The following MDGA2 variants were observed in gnomAD, a reference collection of about 807,000 sequenced individuals.
MDGA2 encodes the protein MAM domain-containing glycosylphosphatidylinositol anchor protein 2.
A neutral mutation model predicts 117.8 loss-of-function variants in MDGA2; 40 were observed. The ratio of observed to expected loss-of-function variants is 0.34; its 90% CI spans 0.26 to 0.44. The LOEUF (loss-of-function observed/expected upper bound fraction) is 0.44. Among genes scored for constraint, MDGA2 ranks in the 20% least tolerant of loss-of-function variants. MDGA2 has a pLI of 1.00. For synonymous variants in MDGA2, 452 were observed against 439.0 expected, an observed-to-expected ratio of 1.03 and a Z score of -0.37; for missense variants, 1,123 against 1,250.6, an observed-to-expected ratio of 0.90 and a Z score of 1.54.
chr14:47,268,856 G>A (rs564112843), intron 2 of MDGA2, among the ~76,000 whole-genome samples: 1 of 152,300 alleles, frequency 6.6e-6, no homozygotes, highest in African/African-American at 2.4e-5. Context: ...GGAAATCAGT[G>A]TTTAAGGATA....
At position 47,597,431 on chromosome 14, in the gene MDGA2, C is replaced by A. The variant is rs537246396; in HGVS notation, c.280+77086G>T. 1.4e-4 allele frequency among the ~76,000 whole-genome samples: 22 copies of A among 151,804 alleles called. No homozygotes were observed. The South Asian group carries it at 4.4e-3, about 30-fold the overall frequency. ...TCTTTCCAGCAAATTCACCAAAATT[C>A]TTTTTCAATAATGAACGTAAGTTAA... On this transcript the variant is annotated intron_variant, in intron 1 of 16. Coordinates refer to ENST00000399232, the MANE Select transcript of MDGA2 (RefSeq NM_001113498.3).
At chr14:47,289,563 C>G (rs974661368) in intron 2 of MDGA2, among the ~76,000 whole-genome samples, 3 of 151,814 alleles carry the variant, frequency 2.0e-5, no homozygotes, top group Admixed American at 2.0e-4. Context: ...AATAAAAATA[C>G]AAAATCCAAT....
chr14:47,289,665 G>A (rs1888813048), intron 2 of MDGA2, among the ~76,000 whole-genome samples: 1 of 152,002 alleles, frequency 6.6e-6, no homozygotes, highest in African/African-American at 2.4e-5. Flanking sequence ...TATGAGCAAT[G>A]CAATCAATAG....
chr14:46,939,418 A>C (rs1884913740), intron 9 of MDGA2, among the ~76,000 whole-genome samples: 1 of 152,220 alleles, frequency 6.6e-6, no homozygotes, highest in African/African-American at 2.4e-5. Flanking sequence ...GTTTTTAACA[A>C]GATTCTCATG....
At chr14:47,566,614 G>A (rs1337115232) in intron 1 of MDGA2, among the ~76,000 whole-genome samples, 2 of 152,128 alleles carry the variant, frequency 1.3e-5, no homozygotes, top group Non-Finnish European at 2.9e-5. Flanking sequence ...TGGGGGTTGG[G>A]GAGACTTCTC....
intron 7 of MDGA2, among the ~76,000 whole-genome samples, chr14:47,053,238 AAT>A (rs2138734788): frequency 6.6e-6 from 1 of 151,970 alleles, no homozygotes; most frequent in African/African-American, 2.4e-5. Context: ...CTTGGACAGT[AAT>A]AGCTTTGCTT....
At chr14:47,092,239 G>A (rs946510297) in intron 6 of MDGA2, among the ~76,000 whole-genome samples, 2 of 152,112 alleles carry the variant, frequency 1.3e-5, no homozygotes, top group African/African-American at 4.8e-5. Flanking sequence ...AGAAGGACTG[G>A]CTGATAAATC....
At chr14:47,423,914 C>T (rs572676090) in intron 1 of MDGA2, among the ~76,000 whole-genome samples, 3 of 152,156 alleles carry the variant, frequency 2.0e-5, no homozygotes, top group South Asian at 2.1e-4. Context: ...CGGGTTCAGG[C>T]GATTCCCCTG....
At chr14:47,615,398 T>G (rs186704184) in intron 1 of MDGA2, among the ~76,000 whole-genome samples, 4 of 152,204 alleles carry the variant, frequency 2.6e-5, no homozygotes, top group Non-Finnish European at 4.4e-5. Flanking sequence ...ATGTTAAGCA[T>G]TGAGGGACTG....
Position 46,911,813 on chromosome 14 carries a change from C to T in MDGA2, c.2238+8199G>A, listed in dbSNP as rs146458865. On this transcript the variant is annotated intron_variant, in intron 10 of 16. Transcript: ENST00000399232. ...AAACATAAAATAAATGTGAGCTATA[C>T]GTACATTTAAGAAATATTAATACAA... Among the ~76,000 whole-genome samples the T allele has an allele frequency of 5.3e-4, 80 of 152,244 alleles. 2 individuals carry two copies. The South Asian group carries it at 8.9e-3, about 17-fold the overall frequency.
At chr14:47,200,534 C>CT (rs10639284) in intron 3 of MDGA2, 57,527 of 413,032 alleles carry the variant, frequency 0.14, 545 homozygotes, top group East Asian at 0.16. Context: ...TTTTTCTTTT[C>CT]TTTTTTTTTT....
Position 47,070,868 on chromosome 14 carries a change from G to A in MDGA2, c.1196-9290C>T, listed in dbSNP as rs367883399. ...GGTGATCCGCCTGCCTCGGCCTTCCGAAGTGCTGGGATTACAGGTGTGAAC... is the reference window on the plus strand; with the variant it reads ...GGTGATCCGCCTGCCTCGGCCTTCCAAAGTGCTGGGATTACAGGTGTGAAC... On this transcript the variant is annotated intron_variant, in intron 6 of 16. Transcript: ENST00000399232. Among the ~76,000 whole-genome samples the A allele has an allele frequency of 1.0e-3, 155 of 152,226 alleles. 2 individuals are homozygous for A. The highest frequency in any genetic ancestry group is 3.3e-3 in the African/African-American group (139 of 41,550).
intron 1 of MDGA2, among the ~76,000 whole-genome samples, chr14:47,665,743 T>C (rs2416100): frequency 1 from 149,806 of 150,518 alleles, 74,554 homozygotes; most frequent in East Asian, 1. Flanking sequence ...CTTGATTTCT[T>C]GTCCAGCCTT....
chr14:47,004,989 G>C (rs1887660603), intron 8 of MDGA2, among the ~76,000 whole-genome samples: 1 of 151,402 alleles, frequency 6.6e-6, no homozygotes, highest in South Asian at 2.1e-4. Flanking sequence ...TCATTTATTA[G>C]CTCTAGTATC....
chr14:47,069,445 G>A (rs557963991), intron 6 of MDGA2, among the ~76,000 whole-genome samples: 1 of 152,196 alleles, frequency 6.6e-6, no homozygotes, highest in Admixed American at 6.5e-5. Context: ...GTTCATTTGA[G>A]TTCTATCATT....
chr14:46,950,974 C>T (rs778173946), intron 9 of MDGA2, among the ~76,000 whole-genome samples: 3 of 151,736 alleles, frequency 2.0e-5, no homozygotes, highest in Non-Finnish European at 2.9e-5. Flanking sequence ...ATAAGAAATG[C>T]TATATTCCTT....
intron 2 of MDGA2, among the ~76,000 whole-genome samples, chr14:47,266,992 A>G (rs570274192): frequency 6.6e-6 from 1 of 152,228 alleles, no homozygotes; most frequent in Non-Finnish European, 1.5e-5. Flanking sequence ...TTGTCTATAT[A>G]CCTAACTTTG....
At chr14:47,054,334 A>G (rs555954613) in intron 7 of MDGA2, among the ~76,000 whole-genome samples, 1 of 151,802 alleles carries the variant, frequency 6.6e-6, no homozygotes, top group Admixed American at 6.6e-5. Context: ...TATTATTATT[A>G]TTATTATACT....
chr14:47,102,290 T>C (rs17118058), intron 5 of MDGA2, among the ~76,000 whole-genome samples: 16,722 of 52,634 alleles, frequency 0.32, 1,042 homozygotes, highest in East Asian at 0.5. Flanking sequence ...AGCTCAAGAC[T>C]TTTTTTTTTT....
Sources: gnomAD v4.1 joint callset for allele counts (sites outside exome capture counted in the v4.1 genomes callset) on GRCh38, gnomAD v4.1.1 for gene constraint, MANE v1.5 for transcripts, NCBI Gene and HGNC (gene_info 2026-07-23, HGNC 2026-07-21) for gene names.